Variants in GALNT13 observed in about 807,000 individuals in gnomAD.
GALNT13 encodes the protein polypeptide N-acetylgalactosaminyltransferase 13, also known as UDP-GalNAc:polypeptide N-acetylgalactosaminyltransferase 13.
Under a neutral mutation model 64.2 loss-of-function variants are expected in GALNT13, and 28 were observed. That is an observed-to-expected ratio of 0.44 (90% CI 0.32 to 0.60). The LOEUF (loss-of-function observed/expected upper bound fraction) is 0.60, where lower values mean the gene tolerates loss of function less well. GALNT13 is among the 20% of genes least tolerant of loss of function. The pLI is 0.05. For synonymous variants in GALNT13, 214 were observed against 224.6 expected (o/e 0.95, Z 0.42); for missense variants, 577 against 669.8 (o/e 0.86, Z 1.53).
chr2:153,498,213 T>A, the GALNT13 span, among the ~76,000 whole-genome samples: 6 of 152,208 alleles, frequency 3.9e-5, no homozygotes, highest in South Asian at 2.1e-4. Flanking sequence ...ACAACCTTTT[T>A]AAAAAATCTT....
the GALNT13 span, among the ~76,000 whole-genome samples, chr2:153,350,714 T>G: frequency 6.6e-6 from 1 of 152,054 alleles, no homozygotes; most frequent in South Asian, 2.1e-4. Context: ...TAATATTACC[T>G]CAACCATGGT....
At chr2:154,069,585 T>A (rs917175729) in intron 3 of GALNT13, among the ~76,000 whole-genome samples, 1 of 152,082 alleles carries the variant, frequency 6.6e-6, no homozygotes, top group African/African-American at 2.4e-5. Flanking sequence ...ATTAAATAAT[T>A]TTAATATTTA....
the GALNT13 span, among the ~76,000 whole-genome samples, chr2:153,298,891 G>C: frequency 6.6e-6 from 1 of 152,124 alleles, no homozygotes; most frequent in East Asian, 1.9e-4. Context: ...TGGAAGGTAA[G>C]ATCAATACTT....
the GALNT13 span, among the ~76,000 whole-genome samples, chr2:153,736,275 T>A: frequency 6.6e-6 from 1 of 152,172 alleles, no homozygotes; most frequent in Admixed American, 6.5e-5. Context: ...CTGTTGCTAC[T>A]GTTATTTTGA....
the GALNT13 span, among the ~76,000 whole-genome samples, chr2:153,166,462 A>G: frequency 1.1e-4 from 17 of 152,336 alleles, no homozygotes; most frequent in African/African-American, 3.6e-4. Flanking sequence ...CTGAGAGACC[A>G]AAGAATGACT....
chr2:154,112,573 G>T (rs1356253586), intron 3 of GALNT13, among the ~76,000 whole-genome samples: 1 of 152,124 alleles, frequency 6.6e-6, no homozygotes, highest in Non-Finnish European at 1.5e-5. Flanking sequence ...TGACCATCCA[G>T]CCAAATCATT....
chr2:154,003,935 G>A (rs540809757), intron 3 of GALNT13, among the ~76,000 whole-genome samples: 1 of 152,114 alleles, frequency 6.6e-6, no homozygotes, highest in African/African-American at 2.4e-5. Flanking sequence ...TTCCTGTACA[G>A]CCTGTAGAAC....
the GALNT13 span, among the ~76,000 whole-genome samples, chr2:153,296,009 C>T: frequency 6.6e-6 from 1 of 152,160 alleles, no homozygotes; most frequent in East Asian, 1.9e-4. Context: ...AGAGCGCCCA[C>T]TCAGTCTTTG....
the GALNT13 span, among the ~76,000 whole-genome samples, chr2:153,675,290 C>A: frequency 6.6e-6 from 1 of 152,182 alleles, no homozygotes; most frequent in South Asian, 2.1e-4. Flanking sequence ...AGACTTGGAA[C>A]CAACCCAGAT....
At chr2:153,509,071 G>A in the GALNT13 span, among the ~76,000 whole-genome samples, 1 of 152,246 alleles carries the variant, frequency 6.6e-6, no homozygotes, top group African/African-American at 2.4e-5. Context: ...TCCGAGGGAA[G>A]TGTCTTGTGG....
the GALNT13 span, among the ~76,000 whole-genome samples, chr2:153,241,349 C>A: frequency 6.6e-6 from 1 of 152,154 alleles, no homozygotes; most frequent in Non-Finnish European, 1.5e-5. Flanking sequence ...GAGTGCTAAA[C>A]AAGGTGACTA....
At chr2:153,295,355 C>A in the GALNT13 span, among the ~76,000 whole-genome samples, 3 of 151,996 alleles carry the variant, frequency 2.0e-5, no homozygotes, top group Admixed American at 6.6e-5. Context: ...GGGGATGATG[C>A]CTAAGAGATG....
intron 3 of GALNT13, among the ~76,000 whole-genome samples, chr2:154,025,026 A>G (rs1326876394): frequency 6.6e-6 from 1 of 152,192 alleles, no homozygotes; most frequent in African/African-American, 2.4e-5. Context: ...TGAACCACAG[A>G]TGCTGCTGCC....
chr2:153,843,422 A>T, the GALNT13 span, among the ~76,000 whole-genome samples: 1 of 152,190 alleles, frequency 6.6e-6, no homozygotes, highest in African/African-American at 2.4e-5. Flanking sequence ...TTCATGAGGG[A>T]TCTGCCACCA....
chr2:153,632,657 C>T, the GALNT13 span, among the ~76,000 whole-genome samples: 1 of 152,018 alleles, frequency 6.6e-6, no homozygotes, highest in African/African-American at 2.4e-5. Flanking sequence ...AGCATGTAGC[C>T]TTTTGAGAAT....
chr2:153,194,526 G>A, the GALNT13 span, among the ~76,000 whole-genome samples: 1 of 151,992 alleles, frequency 6.6e-6, no homozygotes, highest in Non-Finnish European at 1.5e-5. Context: ...TCTTGCATCT[G>A]ACTGCACTTC....
At chr2:154,028,429 T>A (rs1698123719) in intron 3 of GALNT13, among the ~76,000 whole-genome samples, 1 of 152,148 alleles carries the variant, frequency 6.6e-6, no homozygotes, top group African/African-American at 2.4e-5. Flanking sequence ...CATAAAATTT[T>A]AGATAAGTAT....
At chr2:153,079,862 A>T in the GALNT13 span, among the ~76,000 whole-genome samples, 2 of 152,184 alleles carry the variant, frequency 1.3e-5, no homozygotes, top group African/African-American at 4.8e-5. Context: ...CGCTATGGGC[A>T]AGGTGTTTTT....
chr2:153,772,406 G>C, the GALNT13 span, among the ~76,000 whole-genome samples: 1 of 152,150 alleles, frequency 6.6e-6, no homozygotes, highest in Non-Finnish European at 1.5e-5. Context: ...TGGAACCCTA[G>C]TGGGAAGGTG....
Sources: allele counts gnomAD v4.1 joint callset (sites outside exome capture counted in the v4.1 genomes callset), GRCh38; gene constraint gnomAD v4.1.1; transcripts MANE v1.5; gene names NCBI Gene and HGNC (gene_info 2026-07-23, HGNC 2026-07-21).